ST7: variants seen among roughly 807,000 people sequenced by gnomAD.
ST7 encodes suppression of tumorigenicity 7.
In ST7, 28 loss-of-function variants were observed where a neutral mutation model predicts 78.7. That is an observed-to-expected ratio of 0.36 (90% CI 0.26 to 0.49). The LOEUF (loss-of-function observed/expected upper bound fraction) is 0.49, where lower values mean the gene tolerates loss of function less well. Among genes scored for constraint, ST7 ranks in the 20% least tolerant of loss-of-function variants. The pLI is 0.99. For synonymous variants in ST7, 247 were observed against 249.6 expected, an observed-to-expected ratio of 0.99 and a Z score of 0.10; for missense variants, 418 against 696.0, an observed-to-expected ratio of 0.60 and a Z score of 4.49.
intron 1 of ST7, among the ~76,000 whole-genome samples, chr7:117,019,324 A>G (rs1270282995): frequency 6.6e-6 from 1 of 152,208 alleles, no homozygotes; most frequent in African/African-American, 2.4e-5. Context: ...ATATGCTTCT[A>G]GTACTTTTTC....
intron 1 of ST7, among the ~76,000 whole-genome samples, chr7:117,036,538 C>T (rs916896205): frequency 6.6e-6 from 1 of 152,050 alleles, no homozygotes; most frequent in African/African-American, 2.4e-5. Context: ...AACAGCAGTG[C>T]TAGGCTCTGC....
intron 2 of ST7, among the ~76,000 whole-genome samples, chr7:117,116,908 A>T (rs1042001648): frequency 1.3e-5 from 2 of 152,244 alleles, no homozygotes; most frequent in African/African-American, 4.8e-5. Flanking sequence ...CATTTGATAG[A>T]CTACTACTTC....
At chr7:117,088,723 T>G (rs145321514) in intron 1 of ST7, among the ~76,000 whole-genome samples, 2 of 152,296 alleles carry the variant, frequency 1.3e-5, no homozygotes, top group African/African-American at 4.8e-5. Flanking sequence ...CTTAAGATAA[T>G]GGAAAAGTCC....
In ST7 at chr7:116,972,479, C is replaced by T. The variant is rs1585067722; in HGVS notation, c.151+18788C>T. On this transcript the variant is annotated intron_variant, in intron 1 of 15. Transcript: ENST00000323984. ...CGGTACTCTGCCAGCTCAGTTTGTT[C>T]CTCTGTGCGTTCCAAGTCTCTTTCA... 18 of 858,922 alleles carry T rather than the reference C, an allele frequency of 2.1e-5. No homozygotes were observed. The East Asian group carries it at 4.4e-4, about 21-fold the overall frequency. The allele number at this position is 858,922 out of a possible 1,614,324, so 53.2% of individuals were successfully genotyped here.
intron 12 of ST7, among the ~76,000 whole-genome samples, chr7:117,193,691 G>C (rs1390778779): frequency 6.6e-6 from 1 of 152,184 alleles, no homozygotes; most frequent in Non-Finnish European, 1.5e-5. Context: ...GACAATTCAG[G>C]TTTCTTCAGG....
chr7:117,175,141 T>C (rs550568303), intron 10 of ST7, among the ~76,000 whole-genome samples: 1 of 152,228 alleles, frequency 6.6e-6, no homozygotes, highest in Non-Finnish European at 1.5e-5. Flanking sequence ...TTGTATCTGA[T>C]TTTTTTAATC....
chr7:117,057,119 G>A (rs1465625662), intron 1 of ST7, among the ~76,000 whole-genome samples: 3 of 152,018 alleles, frequency 2.0e-5, no homozygotes, highest in South Asian at 2.1e-4. Flanking sequence ...GATTTTGAAA[G>A]GTAGACTATT....
At position 117,129,854 on chromosome 7, in the gene ST7, A is replaced by AT; in HGVS notation, c.449+11dup. On this transcript the variant is annotated splice_region_variant and intron_variant, in intron 4 of 15. Transcript: ENST00000323984. Reference sequence around the variant, plus strand: ...GGGGTGCTGAATACAATCGGTAAGCATTTTGACAGCTTGGGAAACAAATGG... The same window carrying AT: ...GGGGTGCTGAATACAATCGGTAAGCATTTTTGACAGCTTGGGAAACAAATGG... 2 of 1,607,340 alleles carry AT rather than the reference A, an allele frequency of 1.2e-6. No individual in the cohort carries two copies. The highest frequency in any genetic ancestry group is 1.7e-6 in the Non-Finnish European group (2 of 1,176,862).
At chr7:117,049,897 A>G (rs1028765390) in intron 1 of ST7, among the ~76,000 whole-genome samples, 2 of 152,126 alleles carry the variant, frequency 1.3e-5, no homozygotes, top group Non-Finnish European at 2.9e-5. Flanking sequence ...GTATTGTACT[A>G]AACGTGATGA....
chr7:116,970,092 C>G (rs1181769390), intron 1 of ST7, among the ~76,000 whole-genome samples: 1 of 151,832 alleles, frequency 6.6e-6, no homozygotes, highest in African/African-American at 2.4e-5. Flanking sequence ...CAAAATAAAA[C>G]AAAACAAAAC....
chr7:117,119,447 T>C, intron 2 of ST7, 114 bp from the exon 3 acceptor site: 2 of 1,048,898 alleles, frequency 1.9e-6, no homozygotes, highest in East Asian at 5.6e-5. Flanking sequence ...AAACAGTTTT[T>C]GAAATAAAAT....
At chr7:117,160,578 T>C (rs1291509648) in intron 9 of ST7, among the ~76,000 whole-genome samples, 3 of 152,002 alleles carry the variant, frequency 2.0e-5, no homozygotes, top group Non-Finnish European at 4.4e-5. Context: ...TCCATCCATA[T>C]ACACATCCCT....
chr7:117,048,061 G>T (rs1197676821), intron 1 of ST7, among the ~76,000 whole-genome samples: 1 of 152,102 alleles, frequency 6.6e-6, no homozygotes, highest in East Asian at 1.9e-4. Context: ...CTCATAATAA[G>T]AAAATCATAA....
At chr7:117,192,075 G>T (rs1371465595) in intron 12 of ST7, among the ~76,000 whole-genome samples, 1 of 152,260 alleles carries the variant, frequency 6.6e-6, no homozygotes, top group East Asian at 1.9e-4. Flanking sequence ...GGCCTAATGG[G>T]TAATGACCAA....
chr7:117,104,388 T>A (rs1801796551), intron 2 of ST7, among the ~76,000 whole-genome samples: 1 of 152,100 alleles, frequency 6.6e-6, no homozygotes, highest in East Asian at 1.9e-4. Context: ...TGCAGTGAGC[T>A]GAGATGGCAC....
At chr7:117,070,162 T>C (rs964479411) in intron 1 of ST7, among the ~76,000 whole-genome samples, 1 of 152,202 alleles carries the variant, frequency 6.6e-6, no homozygotes, top group Non-Finnish European at 1.5e-5. Context: ...TCAGGACATT[T>C]GGTGATGGAA....
chr7:117,138,885 G>T (rs1206472541), intron 9 of ST7, among the ~76,000 whole-genome samples: 2 of 152,072 alleles, frequency 1.3e-5, no homozygotes, highest in African/African-American at 2.4e-5. Flanking sequence ...AACCTTTGGG[G>T]CTGCAGCTGG....
At chr7:116,954,160 C>G (rs1792311272) in intron 1 of ST7, 1 of 151,892 alleles carries the variant, frequency 6.6e-6, no homozygotes, top group Admixed American at 6.6e-5. Context: ...TCCCGCCCGG[C>G]CGCGGAGGCC....
chr7:116,993,179 T>C (rs1215312733), intron 1 of ST7, among the ~76,000 whole-genome samples: 3 of 152,200 alleles, frequency 2.0e-5, no homozygotes, highest in African/African-American at 7.2e-5. Flanking sequence ...CAGGTATCTT[T>C]TTAGCAACGC....
Sources: allele counts gnomAD v4.1 joint callset (sites outside exome capture counted in the v4.1 genomes callset), GRCh38; gene constraint gnomAD v4.1.1; transcripts MANE v1.5; gene names NCBI Gene and HGNC (gene_info 2026-07-23, HGNC 2026-07-21).